MAPK4: variants seen among roughly 807,000 people sequenced by gnomAD.
The protein encoded by MAPK4 is Erk3-related.
A neutral mutation model predicts 47.7 loss-of-function variants in MAPK4; 22 were observed. The ratio of observed to expected loss-of-function variants is 0.46; its 90% confidence interval spans 0.33 to 0.66. MAPK4 has a LOEUF of 0.66. Among genes scored for constraint, MAPK4 ranks in the 30% least tolerant of loss-of-function variants. The pLI is 0.02. For missense variants in MAPK4, 736 were observed against 831.7 expected, an observed-to-expected ratio of 0.88 and a Z score of 1.42; for synonymous variants, 390 against 365.7, an observed-to-expected ratio of 1.07 and a Z score of -0.76.
intron 2 of MAPK4, among the ~76,000 whole-genome samples, chr18:50,710,885 G>A (rs528544638): frequency 1.3e-3 from 199 of 152,336 alleles, no homozygotes; most frequent in African/African-American, 4.7e-3. Flanking sequence ...GTAGTAGAAA[G>A]TTTATTGGAT....
chr18:50,589,035 C>T (rs2042412471), intron 1 of MAPK4, among the ~76,000 whole-genome samples: 1 of 152,160 alleles, frequency 6.6e-6, no homozygotes, highest in Admixed American at 6.5e-5. Flanking sequence ...CCTGTTAAAC[C>T]CATCAAGTAT....
chr18:50,593,021 A>G (rs867105427), intron 1 of MAPK4, among the ~76,000 whole-genome samples: 8 of 152,074 alleles, frequency 5.3e-5, no homozygotes, highest in African/African-American at 1.2e-4. Flanking sequence ...TTTTATCCCT[A>G]TTTTACAGAT....
intron 1 of MAPK4, among the ~76,000 whole-genome samples, chr18:50,564,698 C>T (rs915942696): frequency 1.3e-5 from 2 of 152,010 alleles, no homozygotes; most frequent in African/African-American, 4.8e-5. Flanking sequence ...ATATTAAGTT[C>T]ATCTTTTGAA....
At chr18:50,619,440 A>G (rs2042712091) in intron 1 of MAPK4, among the ~76,000 whole-genome samples, 1 of 152,058 alleles carries the variant, frequency 6.6e-6, no homozygotes, top group South Asian at 2.1e-4. Context: ...CAGCCTCCCA[A>G]GTAACTAGGA....
chr18:50,588,213 A>T (rs2042405358), intron 1 of MAPK4, among the ~76,000 whole-genome samples: 1 of 152,188 alleles, frequency 6.6e-6, no homozygotes, highest in African/African-American at 2.4e-5. Context: ...TCCATGTGGC[A>T]TCAAATGGGG....
chr18:50,724,033 G>C (rs1160271232), intron 4 of MAPK4, among the ~76,000 whole-genome samples: 2 of 151,872 alleles, frequency 1.3e-5, no homozygotes, highest in African/African-American at 4.8e-5. Context: ...TTTCTTTTGC[G>C]ACAGGGTCTC....
At chr18:50,616,794 T>C (rs2042688523) in intron 1 of MAPK4, among the ~76,000 whole-genome samples, 1 of 152,228 alleles carries the variant, frequency 6.6e-6, no homozygotes, top group Admixed American at 6.5e-5. Context: ...GCTCTTTTCA[T>C]TCCTGCTTTT....
chr18:50,644,711 A>G (rs1427160233), intron 1 of MAPK4, among the ~76,000 whole-genome samples: 1 of 152,204 alleles, frequency 6.6e-6, no homozygotes, highest in Non-Finnish European at 1.5e-5. Flanking sequence ...GGGAAAGGGA[A>G]CCTGGTATCT....
chr18:50,560,310 C>G (rs1229618937), intron 1 of MAPK4, 67 bp downstream of exon 1: 2 of 152,138 alleles, frequency 1.3e-5, no homozygotes, highest in Admixed American at 6.5e-5. Flanking sequence ...CGGCGGGCTC[C>G]GGAGAAGCGG....
intron 2 of MAPK4, among the ~76,000 whole-genome samples, chr18:50,670,454 T>C (rs1406618880): frequency 1.2e-4 from 19 of 152,030 alleles, no homozygotes; most frequent in Admixed American, 1.2e-3. Context: ...CTCATTAGGA[T>C]GCCTTAAAAA....
chr18:50,673,034 T>G (rs995492842), intron 2 of MAPK4, among the ~76,000 whole-genome samples: 1 of 152,176 alleles, frequency 6.6e-6, no homozygotes. Context: ...CCCAACACTT[T>G]GGGAGGCCGA....
chr18:50,617,142 A>G (rs748691733), intron 1 of MAPK4, among the ~76,000 whole-genome samples: 5 of 152,156 alleles, frequency 3.3e-5, no homozygotes, highest in Non-Finnish European at 7.4e-5. Flanking sequence ...AATAATTATT[A>G]CTGGATTTTT....
At chr18:50,566,675 CA>C (rs1459541522) in intron 1 of MAPK4, among the ~76,000 whole-genome samples, 1 of 152,212 alleles carries the variant, frequency 6.6e-6, no homozygotes, top group Non-Finnish European at 1.5e-5. Context: ...CTGAAACTAT[CA>C]CAGAAAAATT....
At position 50,729,496 on chromosome 18, in the gene MAPK4, C is replaced by G; in HGVS notation, c.1406C>G (p.Ala469Gly). 1 of 1,459,762 alleles carries G rather than the reference C, an allele frequency of 6.9e-7. No homozygotes were observed. 90.4% of individuals were successfully genotyped at this position (1,459,762 alleles called of 1,614,324 possible). ...TCGCACTGGAAGCAGGCGGCCGGCG[C>G]GCCCCCCACGGCCACGGGGCTGGCG... The part of the protein sequence containing the change: ...DLSHWKQAAG[A>G]PPTATGLADT... Residue 469 changes from alanine to glycine, a missense_variant, in exon 6 of 6, where the codon GCG (alanine) becomes GGG (glycine). By Grantham distance (60) the Ala-to-Gly change is moderately conservative. Around this residue, in one of 3 missense-constraint regions of MAPK4, gnomAD observed 377 missense variants for 378.6 expected, o/e 1.00. Transcript: ENST00000400384.
At chr18:50,629,809 C>G (rs2144149642) in intron 1 of MAPK4, 1 of 152,282 alleles carries the variant, frequency 6.6e-6, no homozygotes, top group South Asian at 2.1e-4. Flanking sequence ...AAGAAATCAC[C>G]TGGAGGCCCA....
At chr18:50,620,273 C>G (rs892759000) in intron 1 of MAPK4, among the ~76,000 whole-genome samples, 2 of 152,204 alleles carry the variant, frequency 1.3e-5, no homozygotes, top group Admixed American at 6.5e-5. Context: ...GGACCCATGA[C>G]TTGTGAAGAC....
At chr18:50,707,514 T>C (rs753730936) in intron 2 of MAPK4, among the ~76,000 whole-genome samples, 4 of 138,866 alleles carry the variant, frequency 2.9e-5, no homozygotes, top group Non-Finnish European at 6.0e-5. Flanking sequence ...GAGACTGCAG[T>C]GAGTCATGAT....
chr18:50,630,694 T>C (rs2042821527), intron 1 of MAPK4, among the ~76,000 whole-genome samples: 1 of 152,236 alleles, frequency 6.6e-6, no homozygotes, highest in South Asian at 2.1e-4. Flanking sequence ...AGTGGTCTGC[T>C]GGGTAAACAA....
At position 50,730,922 on chromosome 18, in the gene MAPK4, T is replaced by G. The variant is rs1263259369; in HGVS notation, c.*1068T>G. 1 of 151,964 alleles carries G rather than the reference T, an allele frequency of 6.6e-6. No individual in the cohort carries two copies. The highest frequency in any genetic ancestry group is 1.9e-4 in the East Asian group (1 of 5,148). 9.4% of individuals were successfully genotyped at this position (151,964 alleles called of 1,614,324 possible). Reference sequence around the variant, plus strand: ...CAGTGAGGTCCTGCCATAGAGCAAATGTGTTAGGAGAGAAGGTTTCACATG... The same window carrying G: ...CAGTGAGGTCCTGCCATAGAGCAAAGGTGTTAGGAGAGAAGGTTTCACATG... On this transcript the variant is annotated 3_prime_UTR_variant, in exon 6 of 6. Transcript: ENST00000400384.
Sources: allele counts gnomAD v4.1 joint callset (sites outside exome capture counted in the v4.1 genomes callset), GRCh38; gene constraint gnomAD v4.1.1; regional missense constraint gnomAD v4.1.1; transcripts MANE v1.5; gene names NCBI Gene and HGNC (gene_info 2026-07-23, HGNC 2026-07-21).